CYP2C19: variants seen among roughly 807,000 people sequenced by gnomAD.
CYP2C19 encodes the protein cytochrome P450 2C19.
In CYP2C19, 59 loss-of-function variants were observed where a neutral mutation model predicts 40.9. The observed-to-expected ratio is 1.44, with a 90% confidence interval of 1.17 to 1.79. The LOEUF is 1.79. Ranked by LOEUF, CYP2C19 falls within the 40% of genes most tolerant of loss-of-function variation. The probability of loss-of-function intolerance (pLI) is 0.00; values close to 1 mark genes in which losing one functional copy is unlikely to be tolerated. For synonymous variants in CYP2C19, 253 were observed against 208.7 expected, an observed-to-expected ratio of 1.21 and a Z score of -1.83; for missense variants, 754 against 596.9, an observed-to-expected ratio of 1.26 and a Z score of -2.74.
rs535450242 is a variant in CYP2C19, at chr10:94,835,078, A to T, written c.962-7759A>T. Among the ~76,000 whole-genome samples, 6 of 152,266 alleles carry T rather than the reference A, an allele frequency of 3.9e-5. No individual in the cohort carries two copies. The South Asian group carries it at 1.2e-3, about 32-fold the overall frequency. On this transcript the variant is annotated intron_variant, in intron 6 of 8. Transcript: ENST00000371321. ...AGGCTGGTCCAAGGGTCTGCAGTAGATCTTAGCCATGGACTGCATCTGGGG... is the reference window on the plus strand; with the variant it reads ...AGGCTGGTCCAAGGGTCTGCAGTAGTTCTTAGCCATGGACTGCATCTGGGG...
At chr10:94,810,495 G>T (rs1490425937) in intron 5 of CYP2C19, among the ~76,000 whole-genome samples, 3 of 151,928 alleles carry the variant, frequency 2.0e-5, no homozygotes, top group Admixed American at 1.3e-4. Flanking sequence ...GTAGAATTCG[G>T]CTGTGAATCC....
At chr10:94,764,475 G>C (rs555623059) in intron 1 of CYP2C19, among the ~76,000 whole-genome samples, 4 of 152,210 alleles carry the variant, frequency 2.6e-5, no homozygotes, top group African/African-American at 7.2e-5. Flanking sequence ...AGACAGAAAA[G>C]TTCTCCAAGT....
chr10:94,808,621 C>G (rs572088513), intron 5 of CYP2C19, among the ~76,000 whole-genome samples: 1 of 152,212 alleles, frequency 6.6e-6, no homozygotes, highest in South Asian at 2.1e-4. Flanking sequence ...ATCTTTCTAC[C>G]CTGTATCTCC....
intron 7 of CYP2C19, among the ~76,000 whole-genome samples, chr10:94,849,251 A>G (rs1849616084): frequency 6.6e-6 from 1 of 152,180 alleles, no homozygotes; most frequent in African/African-American, 2.4e-5. Context: ...CTTGATGAAA[A>G]GGACAGATTC....
At chr10:94,774,128 A>C (rs1173296456) in intron 1 of CYP2C19, 1 of 152,224 alleles carries the variant, frequency 6.6e-6, no homozygotes, top group Admixed American at 6.5e-5. Flanking sequence ...CCCACCCGAC[A>C]CAGAAGCCCA....
intron 5 of CYP2C19, among the ~76,000 whole-genome samples, chr10:94,784,827 T>C (rs1848520738): frequency 6.6e-6 from 1 of 152,042 alleles, no homozygotes; most frequent in Non-Finnish European, 1.5e-5. Flanking sequence ...TGACCTCAGG[T>C]GATCTGCCCA....
chr10:94,789,023 T>C (rs1037986974), intron 5 of CYP2C19, among the ~76,000 whole-genome samples: 1 of 152,174 alleles, frequency 6.6e-6, no homozygotes, highest in African/African-American at 2.4e-5. Flanking sequence ...TTCCTGACTT[T>C]TAATGTTCGC....
At chr10:94,802,021 G>A (rs1393182002) in intron 5 of CYP2C19, among the ~76,000 whole-genome samples, 1 of 152,168 alleles carries the variant, frequency 6.6e-6, no homozygotes, top group Non-Finnish European at 1.5e-5. Context: ...TGCTTCTGCT[G>A]GCTGAGGTGG....
rs951775034 is a variant in CYP2C19 at position 94,790,711 on chromosome 10, G to T, written c.819+8714G>T. On this transcript the variant is annotated intron_variant, in intron 5 of 8. Transcript: ENST00000371321. ...GGATGAAGCCAACTTGATCGTGGTG[G>T]ATGAAGCCAACTTGATCGTGGTGGA... is the stretch of plus-strand genomic sequence containing the variant. Among the ~76,000 whole-genome samples the T allele has an allele frequency of 1.3e-3, 197 of 152,108 alleles. 3 individuals are homozygous for T. Among genetic ancestry groups the T allele is most frequent in the Non-Finnish European group, 3.2e-4 (22 of 68,016 alleles).
chr10:94,791,225 AT>A (rs1416099630), intron 5 of CYP2C19, among the ~76,000 whole-genome samples: 1 of 151,876 alleles, frequency 6.6e-6, no homozygotes, highest in Non-Finnish European at 1.5e-5. Flanking sequence ...CCCCTTTATC[AT>A]TTTTTATTGT....
chr10:94,794,143 A>C (rs151222797), intron 5 of CYP2C19, among the ~76,000 whole-genome samples: 269 of 152,272 alleles, frequency 1.8e-3, no homozygotes, highest in African/African-American at 6.1e-3. Flanking sequence ...TTCTGTGGGC[A>C]TGGGACCCTC....
At chr10:94,796,368 A>G (rs750244756) in intron 5 of CYP2C19, among the ~76,000 whole-genome samples, 1 of 152,048 alleles carries the variant, frequency 6.6e-6, no homozygotes, top group Non-Finnish European at 1.5e-5. Context: ...TCCATATGGT[A>G]CAAGTACCAT....
At chr10:94,842,441 T>C (rs1474091647) in intron 6 of CYP2C19, among the ~76,000 whole-genome samples, 1 of 151,274 alleles carries the variant, frequency 6.6e-6, no homozygotes, top group Non-Finnish European at 1.5e-5. Context: ...GTCTTGTTTC[T>C]TCATCTAGTC....
chr10:94,831,258 T>G (rs1048929839), intron 6 of CYP2C19, among the ~76,000 whole-genome samples: 3 of 152,196 alleles, frequency 2.0e-5, no homozygotes, highest in Non-Finnish European at 2.9e-5. Flanking sequence ...ATGTACTACA[T>G]TTTCTTTATA....
chr10:94,820,435 T>C (rs1849096975), intron 5 of CYP2C19, 61 bp from the exon 6 acceptor site: 3 of 1,585,450 alleles, frequency 1.9e-6, no homozygotes, highest in Non-Finnish European at 2.6e-6. Context: ...AATTTTGAAT[T>C]TACTGTCATC....
chr10:94,813,901 G>T (rs1848963039), intron 5 of CYP2C19, among the ~76,000 whole-genome samples: 1 of 151,222 alleles, frequency 6.6e-6, no homozygotes, highest in South Asian at 2.1e-4. Flanking sequence ...TGAAACCCAG[G>T]GCCCTGGTGG....
chr10:94,773,252 G>T (rs1848360778), intron 1 of CYP2C19, among the ~76,000 whole-genome samples: 1 of 152,178 alleles, frequency 6.6e-6, no homozygotes, highest in Non-Finnish European at 1.5e-5. Flanking sequence ...CTTCCGGTGG[G>T]TTCTTGGTCT....
intron 6 of CYP2C19, among the ~76,000 whole-genome samples, chr10:94,822,998 A>G (rs1432420392): frequency 6.6e-6 from 1 of 151,996 alleles, no homozygotes; most frequent in Non-Finnish European, 1.5e-5. Flanking sequence ...CCTTTAAGCT[A>G]TGTAGAGTAC....
At chr10:94,846,806 T>C (rs1028988924) in intron 7 of CYP2C19, among the ~76,000 whole-genome samples, 2 of 151,518 alleles carry the variant, frequency 1.3e-5, no homozygotes, top group Non-Finnish European at 2.9e-5. Context: ...TCATTTAGCA[T>C]TAGGTATATC....
Sources: gnomAD v4.1 joint callset for allele counts (sites outside exome capture counted in the v4.1 genomes callset) on GRCh38, gnomAD v4.1.1 for gene constraint, MANE v1.5 for transcripts, NCBI Gene and HGNC (gene_info 2026-07-23, HGNC 2026-07-21) for gene names.